The following PRKN variants were observed in gnomAD, a reference collection of about 807,000 sequenced individuals.
PRKN encodes parkin RBR E3 ubiquitin protein ligase.
In PRKN, 56 loss-of-function variants were observed where a neutral mutation model predicts 59.5. The ratio of observed to expected loss-of-function variants is 0.94; its 90% CI spans 0.76 to 1.18. PRKN has a LOEUF of 1.18. Ranked by LOEUF, PRKN falls within the 50% of genes most tolerant of loss-of-function variation. PRKN has a pLI of 0.00. For missense variants in PRKN, 657 were observed against 596.4 expected (o/e 1.10, Z -1.06); for synonymous variants, 250 against 222.1 (o/e 1.13, Z -1.12).
In PRKN at chr6:161,797,393, C is replaced by T. The variant is rs866464339; in HGVS notation, c.735-11485G>A. 2.6e-5 allele frequency among the ~76,000 whole-genome samples: 4 copies of T among 152,162 alleles called. 1 individual carries two copies. In the Middle Eastern group the frequency reaches 0.01, roughly 388 times the overall value. ...GTGATTCTTGTGCCTCAGCCCCCTA[C>T]GTAGCTGGGACTATAGGCACACACC... On this transcript the variant is annotated intron_variant, in intron 6 of 11. Transcript: ENST00000366898.
chr6:162,548,979 C>A (rs1172461559), intron 1 of PRKN, among the ~76,000 whole-genome samples: 1 of 125,880 alleles, frequency 7.9e-6, no homozygotes, highest in Admixed American at 7.8e-5. Context: ...GATTTCCCAT[C>A]ATATCGTTCC....
At chr6:162,334,436 G>A (rs1462112125) in intron 2 of PRKN, among the ~76,000 whole-genome samples, 1 of 152,116 alleles carries the variant, frequency 6.6e-6, no homozygotes, top group Non-Finnish European at 1.5e-5. Context: ...TGAAATTTCT[G>A]TGGCCATGCT....
At chr6:161,863,859 T>C (rs1794004626) in intron 6 of PRKN, among the ~76,000 whole-genome samples, 1 of 152,194 alleles carries the variant, frequency 6.6e-6, no homozygotes, top group Admixed American at 6.5e-5. Flanking sequence ...CCAGTGCATA[T>C]AAAAGCCATG....
chr6:161,374,477 GGTGTGTGGT>G (rs1316945404), intron 10 of PRKN, among the ~76,000 whole-genome samples: 41 of 135,632 alleles, frequency 3.0e-4, no homozygotes, highest in African/African-American at 7.3e-4. Context: ...GTGTGTGATG[GGTGTGTGGT>G]GTGTGTGGTG....
chr6:161,579,554 C>T lies in PRKN; in HGVS notation c.872-10138G>A, dbSNP rs1781260633. The stretch of plus-strand genomic sequence containing the variant: ...CTGTAAACTGGCCTTCCTTGTAGGG[C>T]ATGTTCCTGAATAGGGCATATTCAG... On this transcript the variant is annotated intron_variant, in intron 7 of 11. Transcript: ENST00000366898. The surrounding 1 kb of genome is among the most constrained non-coding windows in gnomAD (Gnocchi z 4.2). Among the ~76,000 whole-genome samples the T allele has an allele frequency of 6.6e-6, 1 of 152,164 alleles. No homozygotes were observed. Among genetic ancestry groups the T allele is most frequent in the Non-Finnish European group, 1.5e-5 (1 of 68,036 alleles).
At chr6:162,217,716 A>G (rs1393707797) in intron 3 of PRKN, among the ~76,000 whole-genome samples, 1 of 152,188 alleles carries the variant, frequency 6.6e-6, no homozygotes, top group Non-Finnish European at 1.5e-5. Context: ...GAGTATTAAT[A>G]AATACATCAA....
intron 2 of PRKN, among the ~76,000 whole-genome samples, chr6:162,440,584 A>G (rs1790004846): frequency 6.6e-6 from 1 of 152,274 alleles, no homozygotes; most frequent in East Asian, 1.9e-4. Flanking sequence ...CTCATTTTGC[A>G]TGATAAGCTA....
chr6:161,907,968 C>T (rs540904706), intron 6 of PRKN, among the ~76,000 whole-genome samples: 1 of 152,156 alleles, frequency 6.6e-6, no homozygotes, highest in African/African-American at 2.4e-5. Context: ...ATCCCAGCTA[C>T]TCAGGAGGCT....
intron 4 of PRKN, among the ~76,000 whole-genome samples, chr6:162,168,795 C>T (rs1783114198): frequency 6.6e-6 from 1 of 151,924 alleles, no homozygotes; most frequent in Non-Finnish European, 1.5e-5. Context: ...GGTTTGTGAC[C>T]AGAATCTATG....
At chr6:162,078,687 G>A (rs1463516094) in intron 4 of PRKN, among the ~76,000 whole-genome samples, 5 of 151,988 alleles carry the variant, frequency 3.3e-5, no homozygotes, top group African/African-American at 1.2e-4. Context: ...AAGGAGAGCT[G>A]TATTGGGTAT....
intron 9 of PRKN, among the ~76,000 whole-genome samples, chr6:161,426,070 C>T (rs1337586159): frequency 6.6e-6 from 1 of 151,930 alleles, no homozygotes; most frequent in African/African-American, 2.4e-5. Context: ...AAGGGGGTGC[C>T]TGTGTACAGC....
At position 162,123,672 on chromosome 6, in the gene PRKN, G is replaced by A. The variant is rs1781010898; in HGVS notation, c.535-69498C>T. 2.6e-5 allele frequency among the ~76,000 whole-genome samples: 4 copies of A among 152,140 alleles called. No homozygotes were observed. In the South Asian group the frequency reaches 8.3e-4, roughly 32 times the overall value. ...GGAGAGGCCAAGAGAGTGTTTGAAC[G>A]AATAGTTATTTTTTATTAGGTATAC... On this transcript the variant is annotated intron_variant, in intron 4 of 11. Transcript: ENST00000366898.
At chr6:162,677,935 C>T (rs1779616922) in intron 1 of PRKN, among the ~76,000 whole-genome samples, 1 of 152,148 alleles carries the variant, frequency 6.6e-6, no homozygotes, top group Non-Finnish European at 1.5e-5. Flanking sequence ...CCAGTAGATT[C>T]TTCCTCCCAC....
chr6:162,584,307 T>C (rs982397302), intron 1 of PRKN, among the ~76,000 whole-genome samples: 2 of 151,838 alleles, frequency 1.3e-5, no homozygotes, highest in African/African-American at 2.4e-5. Flanking sequence ...TAGAACACTG[T>C]ACACAAAACA....
chr6:161,741,656 C>T (rs73783380), intron 7 of PRKN, among the ~76,000 whole-genome samples: 2,841 of 152,178 alleles, frequency 0.019, 93 homozygotes, highest in African/African-American at 0.065. Flanking sequence ...CACGAGGGTT[C>T]AAACTGGTCT....
intron 2 of PRKN, among the ~76,000 whole-genome samples, chr6:162,374,447 T>C (rs1287681671): frequency 6.6e-6 from 1 of 151,884 alleles, no homozygotes; most frequent in African/African-American, 2.4e-5. Flanking sequence ...TGAGTGACTT[T>C]AGTTTGGTTT....
chr6:162,451,516 G>A (rs898221488), intron 1 of PRKN, among the ~76,000 whole-genome samples: 1 of 151,898 alleles, frequency 6.6e-6, no homozygotes, highest in Non-Finnish European at 1.5e-5. Flanking sequence ...CTTGAGCCCA[G>A]GAGTTTGAGA....
Position 161,390,245 on chromosome 6 carries a change from G to C in PRKN, c.1084-3368C>G, listed in dbSNP as rs1583008799. 6.6e-6 allele frequency among the ~76,000 whole-genome samples: 1 copy of C among 152,296 alleles called. No individual in the cohort carries two copies. The highest frequency in any genetic ancestry group is 2.4e-5 in the African/African-American group (1 of 41,562). ...TTCAGTTCTCACACTACGCACCAGA[G>C]TGCCCTGCGGTACTGTAACAAACTC... On this transcript the variant is annotated intron_variant, in intron 9 of 11. Transcript: ENST00000366898. The surrounding 1 kb of genome is among the most constrained non-coding windows in gnomAD (Gnocchi z 7.0).
chr6:162,037,259 CTT>C (rs1783883088), intron 5 of PRKN, among the ~76,000 whole-genome samples: 1 of 152,166 alleles, frequency 6.6e-6, no homozygotes, highest in East Asian at 1.9e-4. Context: ...AGCCTATAAA[CTT>C]ATCAATGCAA....
Sources: allele counts gnomAD v4.1 joint callset (sites outside exome capture counted in the v4.1 genomes callset), GRCh38; gene constraint gnomAD v4.1.1; non-coding constraint Gnocchi (gnomAD v3.1); transcripts MANE v1.5; gene names NCBI Gene and HGNC (gene_info 2026-07-23, HGNC 2026-07-21).